Variants in CSMD2 observed in about 807,000 individuals in gnomAD.
CSMD2 encodes CUB and sushi domain-containing protein 2.
In CSMD2, 130 loss-of-function variants were observed where a neutral mutation model predicts 398.5. That is an observed-to-expected ratio of 0.33 (90% CI 0.28 to 0.38). The LOEUF (loss-of-function observed/expected upper bound fraction) is 0.38. Among genes scored for constraint, CSMD2 ranks in the 10% least tolerant of loss-of-function variants. The pLI is 1.00. For missense variants in CSMD2, 3,829 were observed against 4,764.9 expected (o/e 0.80, Z 5.78); for synonymous variants, 1,828 against 1,908.5 (o/e 0.96, Z 1.10).
chr1:34,124,176 C>CCATTCATT (rs534798443), intron 1 of CSMD2, among the ~76,000 whole-genome samples: 1 of 152,154 alleles, frequency 6.6e-6, no homozygotes, highest in Non-Finnish European at 1.5e-5. Context: ...CACCATTTAT[C>CCATTCATT]CATTCATTCA....
intron 54 of CSMD2, 43 bp from the exon 55 acceptor site, chr1:33,557,965 T>C (rs1048099101): frequency 1.0e-5 from 15 of 1,500,736 alleles, no homozygotes; most frequent in Admixed American, 5.9e-5. Flanking sequence ...ATTCCCAGTA[T>C]AGTAAAATCT....
intron 28 of CSMD2, among the ~76,000 whole-genome samples, chr1:33,649,220 T>C (rs1437236774): frequency 6.6e-6 from 1 of 152,194 alleles, no homozygotes; most frequent in Non-Finnish European, 1.5e-5. Context: ...AGATTTCAGA[T>C]GCAAATTTGC....
intron 2 of CSMD2, among the ~76,000 whole-genome samples, chr1:34,083,018 T>C (rs1657428651): frequency 6.6e-6 from 1 of 150,920 alleles, no homozygotes; most frequent in Non-Finnish European, 1.5e-5. Flanking sequence ...TATTGTCCTA[T>C]GACCCTGCCA....
intron 3 of CSMD2, among the ~76,000 whole-genome samples, chr1:33,939,863 G>C (rs140010195): frequency 6.6e-6 from 1 of 152,180 alleles, no homozygotes; most frequent in Non-Finnish European, 1.5e-5. Flanking sequence ...TCAAATCCCC[G>C]ATCTGGCTGC....
At chr1:33,942,122 G>T (rs1419214590) in intron 3 of CSMD2, among the ~76,000 whole-genome samples, 1 of 152,184 alleles carries the variant, frequency 6.6e-6, no homozygotes, top group East Asian at 1.9e-4. Context: ...ATCGAGAGAG[G>T]TGCTATTATT....
chr1:33,602,893 A>G (rs902871178), intron 42 of CSMD2, among the ~76,000 whole-genome samples: 1 of 152,216 alleles, frequency 6.6e-6, no homozygotes, highest in African/African-American at 2.4e-5. Context: ...CGTTAGGGTC[A>G]GAGCTGCAGT....
intron 1 of CSMD2, among the ~76,000 whole-genome samples, chr1:34,107,814 G>A (rs988743393): frequency 6.6e-6 from 1 of 152,210 alleles, no homozygotes; most frequent in African/African-American, 2.4e-5. Context: ...ACTATGGTGA[G>A]GTTCAGCACA....
chr1:33,801,897 C>T (rs1029960325), intron 10 of CSMD2, among the ~76,000 whole-genome samples: 11 of 152,082 alleles, frequency 7.2e-5, no homozygotes, highest in South Asian at 6.2e-4. Flanking sequence ...GGCAGAGAGA[C>T]CACTGTGTGC....
chr1:33,606,423 TTA>T (rs1186410729), intron 41 of CSMD2, among the ~76,000 whole-genome samples: 2 of 152,248 alleles, frequency 1.3e-5, no homozygotes, highest in East Asian at 1.9e-4. Context: ...CGTGGCTGTG[TTA>T]TGTTTCCATT....
chr1:33,565,503 T>C (rs1658975134), intron 53 of CSMD2, among the ~76,000 whole-genome samples: 1 of 150,800 alleles, frequency 6.6e-6, no homozygotes, highest in South Asian at 2.1e-4. Flanking sequence ...TCCAAGATAA[T>C]CAAAATGAGA....
intron 12 of CSMD2, among the ~76,000 whole-genome samples, chr1:33,782,336 G>A (rs540274198): frequency 2.6e-5 from 4 of 152,204 alleles, no homozygotes; most frequent in Non-Finnish European, 5.9e-5. Context: ...AGGCCTTGGA[G>A]AGCAGAGAAG....
At chr1:33,739,029 G>A in intron 15 of CSMD2, 111 bp downstream of exon 15, 1 of 1,023,970 alleles carries the variant, frequency 9.8e-7, no homozygotes, top group African/African-American at 1.6e-5. Context: ...CGTTCTGGGA[G>A]AAGAGGAAGG....
In CSMD2 at chr1:34,057,339, T is replaced by A. The variant is rs541406591; in HGVS notation, c.405-24633A>T. 1.6e-4 allele frequency among the ~76,000 whole-genome samples: 25 copies of A among 152,328 alleles called. 1 individual carries two copies. In the East Asian group the frequency reaches 4.8e-3, roughly 29 times the overall value. On this transcript the variant is annotated intron_variant, in intron 2 of 70. Transcript: ENST00000373381. The stretch of plus-strand genomic sequence containing the variant: ...CCACGCCAACCTCAGCATAGGCTGA[T>A]GGCTGGCAGGAAGCTTCCCTTTTCC...
chr1:34,024,868 T>C (rs1171407003), intron 3 of CSMD2, among the ~76,000 whole-genome samples: 1 of 152,192 alleles, frequency 6.6e-6, no homozygotes, highest in Admixed American at 6.5e-5. Context: ...TGTCCCAGAA[T>C]TGGGGAACTC....
intron 6 of CSMD2, chr1:33,840,162 A>G (rs1283113510): frequency 6.6e-6 from 1 of 152,184 alleles, no homozygotes; most frequent in African/African-American, 2.4e-5. Flanking sequence ...GTGCTTTGTC[A>G]TTATTAATAA....
chr1:33,937,992 CATTA>C (rs1201611589), intron 3 of CSMD2, among the ~76,000 whole-genome samples: 1 of 152,214 alleles, frequency 6.6e-6, no homozygotes, highest in Non-Finnish European at 1.5e-5. Context: ...TGTGCATGTT[CATTA>C]ATTAGTTATT....
chr1:34,054,612 T>C (rs532534633), intron 2 of CSMD2, among the ~76,000 whole-genome samples: 9 of 152,054 alleles, frequency 5.9e-5, no homozygotes, highest in Non-Finnish European at 1.2e-4. Flanking sequence ...TGGTGGCAGG[T>C]GCCTATAGTC....
At chr1:33,621,192 T>C (rs1570972831) in intron 37 of CSMD2, among the ~76,000 whole-genome samples, 2 of 152,364 alleles carry the variant, frequency 1.3e-5, no homozygotes, top group Non-Finnish European at 2.9e-5. Flanking sequence ...ACTGTGCCCA[T>C]GTCCATCTCT....
At chr1:33,908,935 C>G (rs1430212439) in intron 5 of CSMD2, among the ~76,000 whole-genome samples, 1 of 151,844 alleles carries the variant, frequency 6.6e-6, no homozygotes, top group Admixed American at 6.5e-5. Context: ...TGGGCTCCAT[C>G]AAAAAAGGAC....
Sources: allele counts gnomAD v4.1 joint callset (sites outside exome capture counted in the v4.1 genomes callset), GRCh38; gene constraint gnomAD v4.1.1; transcripts MANE v1.5; gene names NCBI Gene and HGNC (gene_info 2026-07-23, HGNC 2026-07-21).